GPC6: variants seen among roughly 807,000 people sequenced by gnomAD.
GPC6 encodes glypican-6.
GPC6 carries 14 observed loss-of-function variants against 55.2 expected under a neutral mutation model. That is an observed-to-expected ratio of 0.25 (90% CI 0.17 to 0.40). The LOEUF (loss-of-function observed/expected upper bound fraction) is 0.40. GPC6 is among the 10% of genes least tolerant of loss of function. GPC6 has a pLI of 1.00. For missense variants in GPC6, 641 were observed against 708.5 expected, an observed-to-expected ratio of 0.90 and a Z score of 1.08; for synonymous variants, 278 against 259.6, an observed-to-expected ratio of 1.07 and a Z score of -0.68.
intron 1 of GPC6, among the ~76,000 whole-genome samples, chr13:93,515,086 C>T (rs1174859757): frequency 6.6e-6 from 1 of 152,088 alleles, no homozygotes; most frequent in Non-Finnish European, 1.5e-5. Context: ...GAGAGCTTGT[C>T]TCCTTTCTCT....
At chr13:94,268,444 G>A (rs1309400545) in intron 4 of GPC6, among the ~76,000 whole-genome samples, 1 of 152,026 alleles carries the variant, frequency 6.6e-6, no homozygotes, top group East Asian at 1.9e-4. Context: ...CTGTTTTTAA[G>A]GTACATGTTT....
intron 1 of GPC6, among the ~76,000 whole-genome samples, chr13:93,439,738 T>A (rs1254806989): frequency 6.6e-6 from 1 of 150,536 alleles, no homozygotes; most frequent in Non-Finnish European, 1.5e-5. Context: ...AAGCTTCGGG[T>A]GTGTCTTTAT....
At chr13:93,631,760 A>G (rs1407174198) in intron 2 of GPC6, among the ~76,000 whole-genome samples, 1 of 152,202 alleles carries the variant, frequency 6.6e-6, no homozygotes, top group Non-Finnish European at 1.5e-5. Flanking sequence ...CATGGCATCT[A>G]GCATACTTCC....
intron 1 of GPC6, among the ~76,000 whole-genome samples, chr13:93,543,396 C>T (rs1056609630): frequency 3.9e-5 from 6 of 151,940 alleles, no homozygotes; most frequent in African/African-American, 1.5e-4. Context: ...GGTGGATAAG[C>T]TTTTTGATGT....
At chr13:94,179,463 GT>G (rs1380918482) in intron 4 of GPC6, among the ~76,000 whole-genome samples, 7 of 151,932 alleles carry the variant, frequency 4.6e-5, no homozygotes, top group Admixed American at 2.0e-4. Flanking sequence ...CCTGCTTTAT[GT>G]TTTTTTCAAT....
At chr13:94,137,456 ACT>A (rs1331002218) in intron 4 of GPC6, among the ~76,000 whole-genome samples, 1 of 152,026 alleles carries the variant, frequency 6.6e-6, no homozygotes, top group Non-Finnish European at 1.5e-5. Flanking sequence ...GAGGTGAGAG[ACT>A]CTCAAAGTGA....
At chr13:94,265,050 A>ACTC (rs1185525506) in intron 4 of GPC6, among the ~76,000 whole-genome samples, 1 of 152,276 alleles carries the variant, frequency 6.6e-6, no homozygotes, top group East Asian at 1.9e-4. Flanking sequence ...GGGAGCTACA[A>ACTC]CTCAAGATGA....
rs532831719 is a variant in GPC6, at chr13:94,323,517, C to T, written c.1152+17394C>T. Among the ~76,000 whole-genome samples the T allele has an allele frequency of 1.9e-4, 29 of 152,190 alleles. 1 individual carries two copies. The highest frequency in any genetic ancestry group is 4.8e-4 in the African/African-American group (20 of 41,504). Reference sequence around the variant, plus strand: ...CAAAGTCAAATGCCACATATTCTCACTTCTAAATGGGAGCTAAATAACGTG... The same window carrying T: ...CAAAGTCAAATGCCACATATTCTCATTTCTAAATGGGAGCTAAATAACGTG... On this transcript the variant is annotated intron_variant, in intron 6 of 8. Transcript: ENST00000377047.
At chr13:93,652,135 A>G (rs1449851652) in intron 2 of GPC6, among the ~76,000 whole-genome samples, 1 of 152,218 alleles carries the variant, frequency 6.6e-6, no homozygotes, top group African/African-American at 2.4e-5. Context: ...CTTGTTCACA[A>G]GAAACAAATT....
At chr13:94,094,084 T>G (rs1885586395) in intron 4 of GPC6, among the ~76,000 whole-genome samples, 3 of 152,010 alleles carry the variant, frequency 2.0e-5, no homozygotes, top group Non-Finnish European at 4.4e-5. Flanking sequence ...TTTAGCTTAG[T>G]GCTAAGTTTA....
intron 2 of GPC6, among the ~76,000 whole-genome samples, chr13:93,653,891 G>A (rs1178777650): frequency 6.6e-6 from 1 of 152,126 alleles, no homozygotes; most frequent in Middle Eastern, 3.2e-3. Flanking sequence ...ATAGGCCATT[G>A]TGAGACAGTT....
chr13:93,449,821 C>CAA lies in GPC6; in HGVS notation c.161-95431_161-95430dup, dbSNP rs35104410. On this transcript the variant is annotated intron_variant, in intron 1 of 8. Transcript: ENST00000377047. ...CCAGCCTGGGCAATAGAAACTCAGTCAAAAAAAAAAAAGAGTAAAGTATAA... is the reference window on the plus strand; with the variant it reads ...CCAGCCTGGGCAATAGAAACTCAGTCAAAAAAAAAAAAAAGAGTAAAGTATAA... Among the ~76,000 whole-genome samples the CAA allele has an allele frequency of 1.5e-3, 216 of 143,558 alleles. 1 individual carries two copies. Among genetic ancestry groups the CAA allele is most frequent in the South Asian group, 2.0e-3 (9 of 4,570 alleles). 94.2% of individuals were successfully genotyped at this position (143,558 alleles called of 152,430 possible).
intron 3 of GPC6, among the ~76,000 whole-genome samples, chr13:93,889,014 G>A (rs1033226880): frequency 7.9e-5 from 12 of 151,830 alleles, no homozygotes. Context: ...CCAAACACTA[G>A]CAAAAAGAAA....
intron 3 of GPC6, among the ~76,000 whole-genome samples, chr13:93,847,071 A>G (rs1363604697): frequency 1.3e-5 from 2 of 152,080 alleles, no homozygotes; most frequent in Admixed American, 6.6e-5. Context: ...TTTGTCTGTA[A>G]TTGGAACTCT....
In GPC6 at chr13:93,229,778, C is replaced by G. The variant is rs763619868; in HGVS notation, c.160+2162C>G. ...GGCATACTGTTAACTTTGCTTTAAG[C>G]CTTGTGTCCTTTGATGCTGGTAGAC... On this transcript the variant is annotated intron_variant, in intron 1 of 8. Transcript: ENST00000377047. Among the ~76,000 whole-genome samples the G allele has an allele frequency of 1.5e-4, 23 of 152,072 alleles. No individual in the cohort carries two copies. In the South Asian group the frequency reaches 1.7e-3, roughly 11 times the overall value.
At chr13:93,449,569 C>G (rs1304202362) in intron 1 of GPC6, among the ~76,000 whole-genome samples, 1 of 152,156 alleles carries the variant, frequency 6.6e-6, no homozygotes, top group Non-Finnish European at 1.5e-5. Context: ...TGCTCACGCA[C>G]ATAATCCCAA....
chr13:93,978,491 G>A (rs999391381), intron 3 of GPC6, among the ~76,000 whole-genome samples: 4 of 152,110 alleles, frequency 2.6e-5, no homozygotes, highest in African/African-American at 9.7e-5. Flanking sequence ...AACCAATACT[G>A]AGATAGGAAT....
chr13:93,663,287 A>G (rs1276081936), intron 2 of GPC6, among the ~76,000 whole-genome samples: 1 of 152,108 alleles, frequency 6.6e-6, no homozygotes, highest in African/African-American at 2.4e-5. Context: ...ATTGTTTTGA[A>G]TTGGAATCAC....
intron 2 of GPC6, among the ~76,000 whole-genome samples, chr13:93,587,221 G>C (rs1192117559): frequency 6.6e-6 from 1 of 151,692 alleles, no homozygotes; most frequent in Non-Finnish European, 1.5e-5. Context: ...ATTATTTAGG[G>C]ATATTATTTA....
Sources: allele counts gnomAD v4.1 joint callset (sites outside exome capture counted in the v4.1 genomes callset), GRCh38; gene constraint gnomAD v4.1.1; transcripts MANE v1.5; gene names NCBI Gene and HGNC (gene_info 2026-07-23, HGNC 2026-07-21).